The following ACTN1 variants were observed in gnomAD, a reference collection of about 807,000 sequenced individuals.
ACTN1 encodes alpha-actinin-1.
A neutral mutation model predicts 119.6 loss-of-function variants in ACTN1; 30 were observed. That is an observed-to-expected ratio of 0.25 (90% CI 0.19 to 0.34). The LOEUF is 0.34. Ranked by LOEUF, ACTN1 falls within the 10% of genes least tolerant of loss-of-function variation. The pLI is 1.00. For synonymous variants in ACTN1, 429 were observed against 472.6 expected (o/e 0.91, Z 1.20); for missense variants, 764 against 1,223.4 (o/e 0.62, Z 5.60).
At chr14:68,902,900 C>A (rs1209072168) in intron 7 of ACTN1, among the ~76,000 whole-genome samples, 3 of 152,110 alleles carry the variant, frequency 2.0e-5, no homozygotes, top group Non-Finnish European at 1.5e-5. Context: ...CAACCGAATG[C>A]CAGTATGGAC....
In ACTN1 at chr14:68,880,901, T is replaced by C. The variant is rs1175921002; in HGVS notation, c.2042A>G (p.Tyr681Cys). Residue 681 changes from tyrosine (Y) to cysteine (C), a missense_variant, in exon 17 of 22, where the codon TAC becomes TGC. By Grantham distance (194) the Tyr-to-Cys change is radical (BLOSUM62 -2). Coordinates refer to ENST00000394419, the MANE Select transcript of ACTN1 (RefSeq NM_001130004.2). The surrounding 1 kb of genome is among the most constrained non-coding windows in gnomAD (Gnocchi z 4.6). The stretch of plus-strand genomic sequence containing the variant: ...CTCCAGCTGATCAATCTTTGGCTTG[T>C]AGTTGACGATGCTCTTCTCATACTG... ...LRQYEKSIVN[Y>C]KPKIDQLEGD... The C allele has an allele frequency of 1.2e-6, 2 of 1,614,050 alleles. No individual in the cohort carries two copies. The highest frequency in any genetic ancestry group is 1.1e-5 in the South Asian group (1 of 91,072).
rs2031701169 is a variant in ACTN1, at chr14:68,883,019, G to C, written c.1672C>G (p.Leu558Val). ...AGGCGCTCCTTGTCGGCATCAGGGAGGGTGGCCTTGAACTGCTCATGGGCT... is the reference window on the plus strand; with the variant it reads ...AGGCGCTCCTTGTCGGCATCAGGGACGGTGGCCTTGAACTGCTCATGGGCT... ...TTAHEQFKAT[L>V]PDADKERLAI... is the part of the protein sequence containing the mutation. Residue 558 changes from leucine to valine, a missense_variant, in exon 15 of 22, where the codon CTC (leucine) becomes GTC (valine). Leu to Val is a conservative substitution (Grantham distance 32). Coordinates refer to ENST00000394419, the MANE Select transcript of ACTN1 (RefSeq NM_001130004.2). The C allele has an allele frequency of 6.2e-7, 1 of 1,614,118 alleles. No homozygotes were observed. The highest frequency in any genetic ancestry group is 1.3e-5 in the African/African-American group (1 of 74,930).
chr14:68,972,271 G>A (rs577325854), intron 1 of ACTN1, among the ~76,000 whole-genome samples: 57 of 152,106 alleles, frequency 3.7e-4, no homozygotes, highest in Middle Eastern at 3.4e-3. Context: ...AAAAGCTCCC[G>A]CCCTTATCTT....
chr14:68,887,925 C>T (rs750996194), intron 11 of ACTN1: 45 of 898,142 alleles, frequency 5.0e-5, no homozygotes, highest in Non-Finnish European at 7.7e-5. Flanking sequence ...CCCTTTTTCC[C>T]TTTTGTTTGC....
At chr14:68,888,313 ATG>A (rs2032192152) in intron 11 of ACTN1, 1 of 286,484 alleles carries the variant, frequency 3.5e-6, no homozygotes, top group African/African-American at 2.2e-5. Context: ...AGCACTTCTC[ATG>A]CCCCTGCTGG....
intron 8 of ACTN1, 26 bp from the exon 9 acceptor site, chr14:68,893,773 G>C (rs376697696): frequency 1.1e-5 from 18 of 1,610,824 alleles, no homozygotes; most frequent in African/African-American, 2.7e-5. Flanking sequence ...AGAGAGTCAC[G>C]ACCAGCCAGC....
At chr14:68,949,395 C>A (rs1239131499) in intron 1 of ACTN1, among the ~76,000 whole-genome samples, 1 of 152,224 alleles carries the variant, frequency 6.6e-6, no homozygotes, top group Non-Finnish European at 1.5e-5. Flanking sequence ...TTCATTAGCT[C>A]TGCAGCTCCA....
rs1385471327 is a variant in ACTN1 at position 68,978,683 on chromosome 14, C to T, written c.105+269G>A. On this transcript the variant is annotated intron_variant, in intron 1 of 21. Coordinates refer to ENST00000394419, the MANE Select transcript of ACTN1 (RefSeq NM_001130004.2). ...TGCAACAGCCGCAGGGTGGCCTGGACCACGGACCCCCAAGGAGACCTGCCC... is the reference window on the plus strand; with the variant it reads ...TGCAACAGCCGCAGGGTGGCCTGGATCACGGACCCCCAAGGAGACCTGCCC... 3.1e-5 allele frequency: 10 copies of T among 327,370 alleles called. No homozygotes were observed. In the South Asian group the frequency reaches 3.6e-4, roughly 12 times the overall value. The allele number at this position is 327,370 out of a possible 1,614,324, so 20.3% of individuals were successfully genotyped here. A position where few individuals can be genotyped will look rare whatever the true frequency, so the allele number is the denominator to read the frequency against.
intron 8 of ACTN1, 122 bp downstream of exon 8, chr14:68,902,355 G>A: frequency 1.2e-6 from 1 of 840,692 alleles, no homozygotes; most frequent in Middle Eastern, 3.5e-4. Flanking sequence ...GACTGCCTCT[G>A]TCCGAGAGAC....
chr14:68,964,591 C>G (rs2036642490), intron 1 of ACTN1, among the ~76,000 whole-genome samples: 1 of 152,148 alleles, frequency 6.6e-6, no homozygotes, highest in Admixed American at 6.5e-5. Flanking sequence ...GCCAGGCAGC[C>G]CTGAAATCAA....
intron 8 of ACTN1, among the ~76,000 whole-genome samples, chr14:68,896,982 GT>G: frequency 1.3e-5 from 2 of 152,156 alleles, no homozygotes; most frequent in South Asian, 4.1e-4. Flanking sequence ...TGGTTGTTTT[GT>G]TTGTTTTTTT....
In ACTN1 at chr14:68,884,180, A is replaced by G; in HGVS notation, c.1623T>C (p.Ile541=). ...DLQDTFIVHT[I]EEIQGLTTAH... is the part of the protein sequence containing the mutation. ...AGGTGGGGCTCACCTGGATCTCCTC[A>G]ATGGTGTGCACAATGAAGGTGTCCT... Residue 541 remains isoleucine (I), a synonymous_variant, in exon 14 of 22, where the codon ATT becomes ATC. Coordinates refer to ENST00000394419, the MANE Select transcript of ACTN1 (RefSeq NM_001130004.2). The G allele has an allele frequency of 6.2e-7, 1 of 1,613,624 alleles. No homozygotes were observed. The highest frequency in any genetic ancestry group is 8.5e-7 in the Non-Finnish European group (1 of 1,179,692).
intron 4 of ACTN1, 23 bp from the exon 5 acceptor site, chr14:68,910,065 C>T (rs761275275): frequency 1.6e-5 from 25 of 1,603,992 alleles, no homozygotes; most frequent in Non-Finnish European, 1.8e-5. Flanking sequence ...GGATGGGCAG[C>T]GAGGTCAGAG....
chr14:68,978,718 G>T (rs984346968), intron 1 of ACTN1: 2 of 352,030 alleles, frequency 5.7e-6, no homozygotes, highest in South Asian at 1.4e-4. Flanking sequence ...CGCCAGCGGC[G>T]CCACCTCCCC....
At position 68,874,664 on chromosome 14, in the gene ACTN1, A is replaced by G; in HGVS notation, c.*195T>C. 1 of 460,688 alleles carries G rather than the reference A, an allele frequency of 2.2e-6. No homozygotes were observed. The highest frequency in any genetic ancestry group is 3.5e-6 in the Non-Finnish European group (1 of 282,216). The allele number at this position is 460,688 out of a possible 1,614,324, so 28.5% of individuals were successfully genotyped here. A position where few individuals can be genotyped will look rare whatever the true frequency, so the allele number is the denominator to read the frequency against. On this transcript the variant is annotated 3_prime_UTR_variant, in exon 22 of 22. Coordinates refer to ENST00000394419, the MANE Select transcript of ACTN1 (RefSeq NM_001130004.2). ...TATGTAGTTTTTTGGTTTTTAACGT[A>G]ACTTTTTTTTCTTTTTTGCAGAAAA...
At chr14:68,953,426 T>C (rs1337786897) in intron 1 of ACTN1, among the ~76,000 whole-genome samples, 1 of 152,104 alleles carries the variant, frequency 6.6e-6, no homozygotes, top group South Asian at 2.1e-4. Context: ...CACAGGGACA[T>C]CTTATCTCCC....
intron 3 of ACTN1, among the ~76,000 whole-genome samples, chr14:68,917,423 G>A (rs543691994): frequency 1.3e-5 from 2 of 152,210 alleles, no homozygotes; most frequent in African/African-American, 4.8e-5. Context: ...AGACTTTGGT[G>A]GGGGGTGAGG....
rs891020696 is a variant in ACTN1, at chr14:68,887,789, T to A, written c.1235-2214A>T. ...GATAAGACATGGTATATGGTATTAA[T>A]CAGACTCGGCTTCTTTCTCTCCTGC... On this transcript the variant is annotated intron_variant, in intron 11 of 21. Transcript: ENST00000394419. 28 of 1,010,546 alleles carry A rather than the reference T, an allele frequency of 2.8e-5. No homozygotes were observed. In the African/African-American group the frequency reaches 3.7e-4, roughly 13 times the overall value. The allele number at this position is 1,010,546 out of a possible 1,614,324, so 62.6% of individuals were successfully genotyped here.
chr14:68,958,907 G>A (rs1325955910), intron 1 of ACTN1, among the ~76,000 whole-genome samples: 2 of 152,162 alleles, frequency 1.3e-5, no homozygotes, highest in African/African-American at 2.4e-5. Flanking sequence ...CTTTGGCCTC[G>A]ACAGCCATCC....
Sources: gnomAD v4.1 joint callset for allele counts (sites outside exome capture counted in the v4.1 genomes callset) on GRCh38, gnomAD v4.1.1 for gene constraint, Gnocchi (gnomAD v3.1) non-coding constraint, MANE v1.5 for transcripts, NCBI Gene and HGNC (gene_info 2026-07-23, HGNC 2026-07-21) for gene names.